GPR89A: variants seen among roughly 807,000 people sequenced by gnomAD.
GPR89A encodes golgi pH regulator A.
GPR89A carries 16 observed loss-of-function variants against 52.0 expected under a neutral mutation model. That is an observed-to-expected ratio of 0.31 (90% CI 0.21 to 0.47). The LOEUF is 0.47. Ranked by LOEUF, GPR89A falls within the 20% of genes least tolerant of loss-of-function variation. The pLI, the probability that GPR89A is intolerant of heterozygous loss-of-function variation, is 1.00. For synonymous variants in GPR89A, 55 were observed against 150.9 expected (o/e 0.36, Z 4.66); for missense variants, 135 against 449.4 (o/e 0.30, Z 6.33).
Position 145,609,793 on chromosome 1 carries a change from C to T in GPR89A, c.42+1618C>T, listed in dbSNP as rs370798262. ...CACATGCAGTAATTAATTGTTAAACCTGGTTTTTACAAATGTGGAAGAAAG... is the reference window on the plus strand; with the variant it reads ...CACATGCAGTAATTAATTGTTAAACTTGGTTTTTACAAATGTGGAAGAAAG... On this transcript the variant is annotated intron_variant, in intron 1 of 13. Transcript: ENST00000313835. Among the ~76,000 whole-genome samples the T allele has an allele frequency of 6.2e-4, 94 of 152,226 alleles. 2 individuals carry two copies. The South Asian group carries it at 0.012, about 19-fold the overall frequency.
rs1553697370 is a variant in GPR89A, at chr1:145,670,551, T to G, written c.*511T>G. ...ACATCAGTTAGCATCCCACACCTCC[T>G]CATCTGATCCTGCCCCATTAAAATA... is the stretch of plus-strand genomic sequence containing the variant. On this transcript the variant is annotated 3_prime_UTR_variant, in exon 14 of 14. Coordinates refer to ENST00000313835, the MANE Select transcript of GPR89A (RefSeq NM_001097612.2). The G allele has an allele frequency of 4.4e-6, 1 of 228,434 alleles. No individual in the cohort carries two copies. The highest frequency in any genetic ancestry group is 2.3e-5 in the African/African-American group (1 of 43,082). 14.2% of individuals were successfully genotyped at this position (228,434 alleles called of 1,614,324 possible).
intron 7 of GPR89A, among the ~76,000 whole-genome samples, chr1:145,636,868 CT>C (rs1299144667): frequency 6.6e-6 from 1 of 152,174 alleles, no homozygotes; most frequent in Admixed American, 6.5e-5. Context: ...ACCACCCCCC[CT>C]GCCAGCACCC....
rs1197321213 is a variant in GPR89A at position 145,616,227 on chromosome 1, C to G, written c.43-7C>G. On this transcript the variant is annotated splice_region_variant and splice_polypyrimidine_tract_variant and intron_variant, in intron 1 of 13. Coordinates refer to ENST00000313835, the MANE Select transcript of GPR89A (RefSeq NM_001097612.2). ...TGTATTGACATTCTATTTTCTTTCT[C>G]CTCCAGATACTATTTTTTGGATTTG... is the stretch of plus-strand genomic sequence containing the variant. The G allele has an allele frequency of 1.9e-6, 3 of 1,608,582 alleles. No homozygotes were observed. The highest frequency in any genetic ancestry group is 2.6e-6 in the Non-Finnish European group (3 of 1,176,338).
intron 5 of GPR89A, among the ~76,000 whole-genome samples, chr1:145,628,858 G>A (rs1649697540): frequency 1.3e-5 from 2 of 152,196 alleles, no homozygotes; most frequent in South Asian, 2.1e-4. Context: ...TGGCTATTAA[G>A]GAGGAAATAG....
chr1:145,624,513 A>AATATAT (rs1553688698), intron 5 of GPR89A, among the ~76,000 whole-genome samples: 6 of 147,452 alleles, frequency 4.1e-5, no homozygotes, highest in African/African-American at 1.6e-4. Context: ...TTTTTAAAAA[A>AATATAT]ATCTATATAT....
At chr1:145,647,082 G>A (rs2624755) in intron 9 of GPR89A, 93 bp from the exon 10 acceptor site, 968 of 1,517,510 alleles carry the variant, frequency 6.4e-4, no homozygotes, top group Non-Finnish European at 8.1e-4. Context: ...TTTTGACTTA[G>A]CCTGAACAGT....
chr1:145,648,727 C>T (rs1173384178), intron 10 of GPR89A, among the ~76,000 whole-genome samples: 1 of 151,230 alleles, frequency 6.6e-6, no homozygotes, highest in East Asian at 1.9e-4. Context: ...GCAATCTGCC[C>T]GTCTCAGCCT....
chr1:145,656,820 G>A (rs1553694595), intron 10 of GPR89A, among the ~76,000 whole-genome samples: 1 of 151,024 alleles, frequency 6.6e-6, no homozygotes, highest in African/African-American at 2.5e-5. Context: ...TATGATGTTA[G>A]GTTTTCCCTA....
chr1:145,608,333 G>A (rs1397954173), intron 1 of GPR89A, 158 bp downstream of exon 1: 5 of 1,193,096 alleles, frequency 4.2e-6, no homozygotes, highest in East Asian at 5.1e-5. Flanking sequence ...GATTTGCTGC[G>A]GCCGGTTCCC....
At chr1:145,625,918 CT>C (rs1649464796) in intron 5 of GPR89A, among the ~76,000 whole-genome samples, 2 of 150,666 alleles carry the variant, frequency 1.3e-5, no homozygotes, top group South Asian at 4.1e-4. Flanking sequence ...TCCCCAGTGC[CT>C]AGTGTGGAAA....
intron 10 of GPR89A, among the ~76,000 whole-genome samples, chr1:145,662,917 G>A (rs1553695857): frequency 6.7e-6 from 1 of 150,104 alleles, no homozygotes; most frequent in Non-Finnish European, 1.5e-5. Flanking sequence ...GATATCGTTT[G>A]TTGACTTATT....
chr1:145,643,617 A>G (rs1553692083), intron 7 of GPR89A, among the ~76,000 whole-genome samples: 1 of 152,080 alleles, frequency 6.6e-6, no homozygotes, highest in Non-Finnish European at 1.5e-5. Flanking sequence ...AAGACCTCCC[A>G]GCTTCCAAAT....
chr1:145,668,344 G>T (rs1334677249), intron 12 of GPR89A, among the ~76,000 whole-genome samples: 2 of 152,118 alleles, frequency 1.3e-5, no homozygotes, highest in Non-Finnish European at 2.9e-5. Flanking sequence ...TTGTGAATGG[G>T]CGTTCACTCA....
rs1192394773 is a variant in GPR89A, at chr1:145,608,020, G to A, written c.-114G>A. On this transcript the variant is annotated 5_prime_UTR_variant, in exon 1 of 14. Transcript: ENST00000313835. ...GATGGCGTCGGGCTGGAGAGCCGCA[G>A]TCCCGGCTGCAGCACCTGGGAGAAG... 3 of 1,278,392 alleles carry A rather than the reference G, an allele frequency of 2.3e-6. No individual in the cohort carries two copies. The highest frequency in any genetic ancestry group is 1.3e-5 in the South Asian group (1 of 77,288). 79.2% of individuals were successfully genotyped at this position (1,278,392 alleles called of 1,614,324 possible).
At chr1:145,611,718 A>G (rs1179631945) in intron 1 of GPR89A, 1 of 151,262 alleles carries the variant, frequency 6.6e-6, no homozygotes, top group East Asian at 1.9e-4. Context: ...TCCACTATAC[A>G]TACCACCCTC....
chr1:145,616,669 A>G (rs1319074865), intron 2 of GPR89A, among the ~76,000 whole-genome samples: 7 of 152,190 alleles, frequency 4.6e-5, no homozygotes, highest in Non-Finnish European at 8.8e-5. Context: ...TCCCAAGGCT[A>G]TCAGGGGAAC....
chr1:145,622,185 A>T (rs1438148458), intron 3 of GPR89A, among the ~76,000 whole-genome samples: 1 of 151,936 alleles, frequency 6.6e-6, no homozygotes, highest in African/African-American at 2.4e-5. Flanking sequence ...TCAATTAATG[A>T]ATGCAGAAAC....
chr1:145,626,231 G>C (rs1281946844), intron 5 of GPR89A, among the ~76,000 whole-genome samples: 1 of 150,122 alleles, frequency 6.7e-6, no homozygotes, highest in Non-Finnish European at 1.5e-5. Flanking sequence ...TGCTGACAGG[G>C]CAAATACAGT....
intron 1 of GPR89A, among the ~76,000 whole-genome samples, chr1:145,614,312 T>C (rs1261923138): frequency 4.6e-5 from 7 of 152,160 alleles, no homozygotes; most frequent in African/African-American, 1.7e-4. Flanking sequence ...CTCTTTCATA[T>C]TGTTTTACAA....
Sources: allele counts gnomAD v4.1 joint callset (sites outside exome capture counted in the v4.1 genomes callset), GRCh38; gene constraint gnomAD v4.1.1; transcripts MANE v1.5; gene names NCBI Gene and HGNC (gene_info 2026-07-23, HGNC 2026-07-21).